The following IL1RAPL2 variants were observed in gnomAD, a reference collection of about 807,000 sequenced individuals.
The protein encoded by IL1RAPL2 is interleukin 1 receptor accessory protein like 2.
A neutral mutation model predicts 44.1 loss-of-function variants in IL1RAPL2; 3 were observed. That is an observed-to-expected ratio of 0.07 (90% CI 0.03 to 0.18). IL1RAPL2 has a LOEUF of 0.18. IL1RAPL2 is among the 10% of genes least tolerant of loss of function. The pLI is 1.00. For missense variants in IL1RAPL2, 391 were observed against 496.4 expected, an observed-to-expected ratio of 0.79 and a Z score of 2.02; for synonymous variants, 181 against 178.8, an observed-to-expected ratio of 1.01 and a Z score of -0.10.
intron 2 of IL1RAPL2, among the ~76,000 whole-genome samples, chrX:104,791,176 T>TTGCCC (rs1293958139): frequency 9.2e-6 from 1 of 108,602 alleles, no homozygotes; most frequent in African/African-American, 3.4e-5. Flanking sequence ...CTGCCCTGCC[T>TTGCCC]TGCCCTGCCC....
At chrX:105,286,301 CTGTT>C (rs1280209506) in intron 5 of IL1RAPL2, among the ~76,000 whole-genome samples, 4 of 110,580 alleles carry the variant, frequency 3.6e-5, no homozygotes, top group African/African-American at 1.3e-4. Flanking sequence ...ACTTCCTCAT[CTGTT>C]TGTATATCTT....
At chrX:104,677,801 C>G (rs942321050) in intron 2 of IL1RAPL2, among the ~76,000 whole-genome samples, 1 of 111,989 alleles carries the variant, frequency 8.9e-6, no homozygotes, top group South Asian at 3.8e-4. Context: ...TCTCGTGGTG[C>G]GCCGTTTTTT....
intron 7 of IL1RAPL2, among the ~76,000 whole-genome samples, chrX:105,733,678 A>C (rs1356195670): frequency 1.2e-4 from 13 of 110,290 alleles, no homozygotes; most frequent in Non-Finnish European, 2.5e-4. Context: ...TTTTTCTTAG[A>C]GTTTCCATCT....
At chrX:104,981,245 A>G (rs371536679) in intron 2 of IL1RAPL2, among the ~76,000 whole-genome samples, 23 of 110,038 alleles carry the variant, frequency 2.1e-4, no homozygotes, top group African/African-American at 7.3e-4. Flanking sequence ...TAATCAGCAT[A>G]ATATTTGATA....
intron 2 of IL1RAPL2, among the ~76,000 whole-genome samples, chrX:104,660,022 C>T (rs186633007): frequency 2.7e-5 from 3 of 111,701 alleles, no homozygotes; most frequent in Admixed American, 9.5e-5. Flanking sequence ...TTATCACAGA[C>T]TATAAAATAG....
At chrX:105,411,145 C>T (rs914951160) in intron 5 of IL1RAPL2, among the ~76,000 whole-genome samples, 1 of 110,562 alleles carries the variant, frequency 9.0e-6, no homozygotes, top group African/African-American at 3.3e-5. Flanking sequence ...TAACCACAAA[C>T]AAAGAAATCA....
At chrX:104,811,044 A>G (rs1932972654) in intron 2 of IL1RAPL2, among the ~76,000 whole-genome samples, 2 of 112,227 alleles carry the variant, frequency 1.8e-5, no homozygotes, top group Admixed American at 1.9e-4. Flanking sequence ...TGGCTTTATT[A>G]TAGCTTTCCA....
rs760355043 is a variant in IL1RAPL2, at chrX:105,051,037, C to G, written c.83-144438C>G. Reference sequence around the variant, plus strand: ...GGTCCGAGGGAAGCCATGGGTGGGCCCAGAGCAGGCACACTAAGTCCCCAT... The same window carrying G: ...GGTCCGAGGGAAGCCATGGGTGGGCGCAGAGCAGGCACACTAAGTCCCCAT... On this transcript the variant is annotated intron_variant, in intron 2 of 10. Coordinates refer to ENST00000372582, the MANE Select transcript of IL1RAPL2 (RefSeq NM_017416.2). Among the ~76,000 whole-genome samples the G allele has an allele frequency of 4.5e-5, 5 of 112,302 alleles. No homozygotes were observed. The East Asian group carries it at 1.4e-3, about 32-fold the overall frequency.
At chrX:105,040,339 T>A (rs2031706758) in intron 2 of IL1RAPL2, among the ~76,000 whole-genome samples, 1 of 111,475 alleles carries the variant, frequency 9.0e-6, no homozygotes, top group Non-Finnish European at 1.9e-5. Flanking sequence ...GGTCTAAAAT[T>A]CTCTTTTTTA....
intron 5 of IL1RAPL2, among the ~76,000 whole-genome samples, chrX:105,389,920 C>G (rs1440346572): frequency 1.8e-5 from 2 of 110,807 alleles, no homozygotes; most frequent in African/African-American, 6.6e-5. Context: ...TTCTCCCAAC[C>G]CTGTCCCTCT....
At chrX:105,219,368 A>G (rs782390890) in intron 3 of IL1RAPL2, 1 of 1,211,314 alleles carries the variant, frequency 8.3e-7, no homozygotes, top group South Asian at 1.8e-5. Flanking sequence ...CCAGAGAAAT[A>G]AGATGTGGCT....
intron 1 of IL1RAPL2, among the ~76,000 whole-genome samples, chrX:104,623,501 G>A (rs756597490): frequency 9.0e-6 from 1 of 110,526 alleles, no homozygotes; most frequent in Non-Finnish European, 1.9e-5. Flanking sequence ...AGGTCATGAT[G>A]GGAGTATTCA....
intron 2 of IL1RAPL2, among the ~76,000 whole-genome samples, chrX:104,950,255 T>A (rs1925532471): frequency 8.9e-6 from 1 of 112,174 alleles, no homozygotes; most frequent in Non-Finnish European, 1.9e-5. Flanking sequence ...CTGCCTTTTT[T>A]TGTTTTCCAT....
chrX:104,758,406 C>T (rs766136032), intron 2 of IL1RAPL2, among the ~76,000 whole-genome samples: 1 of 110,909 alleles, frequency 9.0e-6, no homozygotes, highest in African/African-American at 3.3e-5. Context: ...TCTTTGCATT[C>T]TCTTCATCTC....
chrX:105,498,726 T>C (rs1354079713), intron 6 of IL1RAPL2, among the ~76,000 whole-genome samples: 1 of 111,099 alleles, frequency 9.0e-6, no homozygotes, highest in Non-Finnish European at 1.9e-5. Context: ...AAAAAAACAA[T>C]AGAAATAAAC....
intron 3 of IL1RAPL2, among the ~76,000 whole-genome samples, chrX:105,231,847 C>A: frequency 8.9e-6 from 1 of 111,801 alleles, no homozygotes. Flanking sequence ...ATATTTAACA[C>A]TGAAGTGTTT....
chrX:105,762,819 G>A (rs988080312), intron 10 of IL1RAPL2, among the ~76,000 whole-genome samples: 5 of 111,643 alleles, frequency 4.5e-5, no homozygotes, highest in African/African-American at 6.5e-5. Context: ...TAAATTTGCC[G>A]GAACAAGTCA....
chrX:105,260,148 G>T (rs984029253), intron 4 of IL1RAPL2, among the ~76,000 whole-genome samples: 1 of 112,390 alleles, frequency 8.9e-6, no homozygotes, highest in Non-Finnish European at 1.9e-5. Context: ...TAAAAAAGAA[G>T]ACTGGCTACA....
intron 2 of IL1RAPL2, among the ~76,000 whole-genome samples, chrX:104,780,010 A>G (rs1320288945): frequency 1.8e-5 from 2 of 111,953 alleles, no homozygotes; most frequent in African/African-American, 6.5e-5. Context: ...TCAATGTGAA[A>G]GAAGACTAAA....
Sources: allele counts gnomAD v4.1 joint callset (sites outside exome capture counted in the v4.1 genomes callset), GRCh38; gene constraint gnomAD v4.1.1; transcripts MANE v1.5; gene names NCBI Gene and HGNC (gene_info 2026-07-23, HGNC 2026-07-21).